The following GLRA1 variants were observed in gnomAD, a reference collection of about 807,000 sequenced individuals.
GLRA1 encodes glycine receptor subunit alpha-1.
A neutral mutation model predicts 48.3 loss-of-function variants in GLRA1; 37 were observed. The observed-to-expected ratio is 0.77, with a 90% confidence interval of 0.59 to 1.01. The LOEUF is 1.01. GLRA1 is among the 50% of genes least tolerant of loss of function. The pLI is 0.00. For missense variants in GLRA1, 427 were observed against 571.0 expected, an observed-to-expected ratio of 0.75 and a Z score of 2.57; for synonymous variants, 196 against 210.7, an observed-to-expected ratio of 0.93 and a Z score of 0.60.
intron 3 of GLRA1, among the ~76,000 whole-genome samples, chr5:151,863,972 C>T (rs1753268737): frequency 6.6e-6 from 1 of 152,202 alleles, no homozygotes; most frequent in African/African-American, 2.4e-5. Flanking sequence ...CTCATAATCT[C>T]ACATCTTATA....
At chr5:151,919,924 C>T (rs951742740) in intron 1 of GLRA1, among the ~76,000 whole-genome samples, 11 of 152,248 alleles carry the variant, frequency 7.2e-5, no homozygotes, top group African/African-American at 1.4e-4. Context: ...AAGTTAATGA[C>T]GCCCACATAA....
At chr5:151,861,868 T>C (rs1243373362) in intron 3 of GLRA1, among the ~76,000 whole-genome samples, 1 of 152,212 alleles carries the variant, frequency 6.6e-6, no homozygotes, top group African/African-American at 2.4e-5. Context: ...AGGTAATTTA[T>C]AGATTCAATG....
At chr5:151,922,815 G>T (rs1754912704) in intron 1 of GLRA1, among the ~76,000 whole-genome samples, 1 of 152,220 alleles carries the variant, frequency 6.6e-6, no homozygotes, top group Non-Finnish European at 1.5e-5. Context: ...AAAAAAGAGA[G>T]AGTGTGTGTG....
intron 7 of GLRA1, among the ~76,000 whole-genome samples, chr5:151,833,971 G>A (rs898761128): frequency 1.2e-4 from 19 of 152,010 alleles, no homozygotes; most frequent in Non-Finnish European, 2.5e-4. Context: ...ACCCAGATTC[G>A]TAAGGCAAGT....
intron 2 of GLRA1, among the ~76,000 whole-genome samples, chr5:151,890,067 T>C (rs1368650408): frequency 6.6e-6 from 1 of 152,124 alleles, no homozygotes; most frequent in Admixed American, 6.5e-5. Context: ...ATTTTATTTC[T>C]TAAAAATGCC....
rs1754106827 is a variant in GLRA1 at position 151,892,569 on chromosome 5, T to C, written c.57-131A>G. ...GCTGGAGTAATATGGGTAATATGGG[T>C]CCTTAATGAGGTAAGGCCCAGGTTA... is the stretch of plus-strand genomic sequence containing the variant. On this transcript the variant is annotated intron_variant, in intron 1 of 8. Coordinates refer to ENST00000274576, the MANE Select transcript of GLRA1 (RefSeq NM_000171.4). 10 of 940,086 alleles carry C rather than the reference T, an allele frequency of 1.1e-5. 1 individual carries two copies. The South Asian group carries it at 1.3e-4, about 12-fold the overall frequency. The allele number at this position is 940,086 out of a possible 1,614,324, so 58.2% of individuals were successfully genotyped here. A position where few individuals can be genotyped will look rare whatever the true frequency, so the allele number is the denominator to read the frequency against.
rs17112330 is a variant in GLRA1, at chr5:151,892,614, A to G, written c.57-176T>C. The stretch of plus-strand genomic sequence containing the variant: ...AGGTTAAATTGTTTACCCAGCCCAA[A>G]TATCAGCCGGCATGGGATCCTGGCA... On this transcript the variant is annotated intron_variant, in intron 1 of 8. Transcript: ENST00000274576. Among the ~76,000 whole-genome samples the G allele has an allele frequency of 8.4e-3, 1,282 of 152,318 alleles. 20 individuals are homozygous for G. Among genetic ancestry groups the G allele is most frequent in the African/African-American group, 0.029 (1,210 of 41,562 alleles).
intron 3 of GLRA1, among the ~76,000 whole-genome samples, chr5:151,882,438 T>G (rs922565362): frequency 3.9e-5 from 6 of 152,212 alleles, no homozygotes; most frequent in African/African-American, 4.8e-5. Flanking sequence ...TCTTCAAGAA[T>G]AAGTTGCTTT....
intron 1 of GLRA1, among the ~76,000 whole-genome samples, chr5:151,923,532 A>G (rs543895036): frequency 3.3e-4 from 51 of 152,332 alleles, no homozygotes; most frequent in Admixed American, 7.2e-4. Flanking sequence ...AATTCATATA[A>G]GTGGAATTTA....
At chr5:151,836,462 A>G (rs532451099) in intron 7 of GLRA1, among the ~76,000 whole-genome samples, 1 of 152,314 alleles carries the variant, frequency 6.6e-6, no homozygotes, top group African/African-American at 2.4e-5. Flanking sequence ...ACTACTTCAA[A>G]TTTCATATGT....
intron 7 of GLRA1, among the ~76,000 whole-genome samples, chr5:151,842,709 C>T (rs1218580065): frequency 6.6e-6 from 1 of 152,162 alleles, no homozygotes; most frequent in Non-Finnish European, 1.5e-5. Flanking sequence ...TCTGTTCTTA[C>T]TACTTCTATT....
At position 151,922,211 on chromosome 5, in the gene GLRA1, G is replaced by A. The variant is rs73794393; in HGVS notation, c.56+2283C>T. Among the ~76,000 whole-genome samples, 460 of 151,754 alleles carry A rather than the reference G, an allele frequency of 3.0e-3. 3 individuals are homozygous for A. Among genetic ancestry groups the A allele is most frequent in the African/African-American group, 0.011 (443 of 41,522 alleles). ...AGCACCCATCCCCTGGGGAAGAAGG[G>A]TTTATTCACATGGAACCTGCTAGAG... On this transcript the variant is annotated intron_variant, in intron 1 of 8. Transcript: ENST00000274576.
chr5:151,910,103 G>T (rs1253511488), intron 1 of GLRA1, among the ~76,000 whole-genome samples: 1 of 152,088 alleles, frequency 6.6e-6, no homozygotes, highest in African/African-American at 2.4e-5. Context: ...CATTTGTTCA[G>T]AAAATTCTCC....
intron 8 of GLRA1, among the ~76,000 whole-genome samples, chr5:151,826,070 C>T (rs1230351879): frequency 6.6e-6 from 1 of 152,174 alleles, no homozygotes; most frequent in South Asian, 2.1e-4. Flanking sequence ...TAGAAGGAGG[C>T]AGGCAGGAGA....
intron 3 of GLRA1, among the ~76,000 whole-genome samples, chr5:151,861,835 C>T (rs753713252): frequency 1.3e-5 from 2 of 152,226 alleles, no homozygotes; most frequent in African/African-American, 2.4e-5. Flanking sequence ...GAATCAATAT[C>T]GTGAAAATGA....
chr5:151,850,035 A>G, intron 7 of GLRA1: 1 of 1,603,814 alleles, frequency 6.2e-7, no homozygotes, highest in Non-Finnish European at 8.5e-7. Context: ...GTAAGTGGAT[A>G]ATGGACATGG....
In GLRA1 at chr5:151,855,054, T is replaced by G; in HGVS notation, c.683A>C (p.Lys228Thr). The change falls in exon 6 of 9, where the codon AAG (lysine) becomes ACG (threonine). Residue 228 changes from lysine (K) to threonine (T), a missense_variant. Physicochemically the swap from Lys to Thr is moderately conservative, Grantham distance 78. This residue lies in a region of GLRA1 where 271 missense variants were observed against 434.9 expected (regional missense o/e 0.62). Transcript: ENST00000274576. Reference protein sequence around the residue: ...KEEKDLRYCTKHYNTGKFTCI... With the variant: ...KEEKDLRYCTTHYNTGKFTCI... Reference sequence around the variant, plus strand: ...CTTGTACCTACCTGTGTTGTAGTGCTTGGTGCAGTATCTCAAGTCCTTCTC... The same window carrying G: ...CTTGTACCTACCTGTGTTGTAGTGCGTGGTGCAGTATCTCAAGTCCTTCTC... 6.2e-7 allele frequency: 1 copy of G among 1,614,184 alleles called. No individual in the cohort carries two copies. The highest frequency in any genetic ancestry group is 8.5e-7 in the Non-Finnish European group (1 of 1,180,016).
chr5:151,892,209 A>T (rs1445153923), intron 2 of GLRA1, 102 bp downstream of exon 2: 1 of 1,071,790 alleles, frequency 9.3e-7, no homozygotes, highest in Admixed American at 1.7e-5. Context: ...GAGTCATGGG[A>T]TTCACACTGC....
At chr5:151,843,361 C>T (rs543135185) in intron 7 of GLRA1, among the ~76,000 whole-genome samples, 61 of 150,330 alleles carry the variant, frequency 4.1e-4, no homozygotes, top group East Asian at 7.9e-4. Context: ...CCCGGGTTCA[C>T]GCCATTCTCC....
Sources: gnomAD v4.1 joint callset for allele counts (sites outside exome capture counted in the v4.1 genomes callset) on GRCh38, gnomAD v4.1.1 for gene constraint, gnomAD v4.1.1 regional missense constraint, MANE v1.5 for transcripts, NCBI Gene and HGNC (gene_info 2026-07-23, HGNC 2026-07-21) for gene names.